Variants in CBLN2 observed in about 807,000 individuals in gnomAD.
The protein encoded by CBLN2 is cerebellin-2.
Under a neutral mutation model 15.0 loss-of-function variants are expected in CBLN2, and 7 were observed. The observed-to-expected ratio is 0.47, with a 90% confidence interval of 0.27 to 0.88. The LOEUF (loss-of-function observed/expected upper bound fraction) is 0.88, where lower values mean the gene tolerates loss of function less well. Among genes scored for constraint, CBLN2 ranks in the 40% least tolerant of loss-of-function variants. The pLI is 0.14. For missense variants in CBLN2, 242 were observed against 304.5 expected (o/e 0.79, Z 1.53); for synonymous variants, 149 against 135.2 (o/e 1.10, Z -0.71).
intron 1 of CBLN2, among the ~76,000 whole-genome samples, chr18:72,577,319 A>G (rs994445270): frequency 1.3e-5 from 2 of 152,098 alleles, no homozygotes; most frequent in Non-Finnish European, 2.9e-5. Flanking sequence ...TATTTTTTAA[A>G]AAGCACATTT....
intron 1 of CBLN2, among the ~76,000 whole-genome samples, chr18:72,571,622 G>T (rs1012191733): frequency 6.6e-6 from 1 of 152,150 alleles, no homozygotes; most frequent in African/African-American, 2.4e-5. Context: ...ATGTGAACAG[G>T]CCCCTTAACT....
chr18:72,542,502 C>A (rs531249533), intron 2 of CBLN2, among the ~76,000 whole-genome samples, 176 bp from the exon 3 acceptor site: 20 of 151,998 alleles, frequency 1.3e-4, no homozygotes, highest in African/African-American at 7.2e-5. Flanking sequence ...AACGCCCGGG[C>A]GCAGCTGGCA....
intron 1 of CBLN2, among the ~76,000 whole-genome samples, chr18:72,612,912 C>T (rs908445202): frequency 2.0e-5 from 3 of 152,180 alleles, no homozygotes; most frequent in Admixed American, 6.5e-5. Context: ...GTTCTGCAGG[C>T]CAGAAGTCCA....
chr18:72,570,994 C>A lies in CBLN2; in HGVS notation c.16-32222G>T, dbSNP rs12605831. ...GTGTCTGTATACCTTATATCTCTCT[C>A]TATATATTATATTTGTTTGGATGTT... On this transcript the variant is annotated intron_variant, in intron 1 of 2. Transcript: ENST00000581073. Among the ~76,000 whole-genome samples the A allele has an allele frequency of 0.039, 5,925 of 151,904 alleles. 659 individuals are homozygous for A. In the East Asian group the frequency reaches 0.47, roughly 12 times the overall value.
At chr18:72,631,152 A>G (rs1344833072) in intron 1 of CBLN2, 5 of 152,132 alleles carry the variant, frequency 3.3e-5, no homozygotes, top group Admixed American at 2.0e-4. Flanking sequence ...AGACTGCTCC[A>G]TTCTTTTTTT....
At chr18:72,617,321 TTGAA>T (rs1170418346) in intron 1 of CBLN2, among the ~76,000 whole-genome samples, 2 of 152,186 alleles carry the variant, frequency 1.3e-5, no homozygotes, top group African/African-American at 4.8e-5. Context: ...TGTTTACTGA[TTGAA>T]TGAATTACCA....
At chr18:72,600,032 G>A (rs534590540) in intron 1 of CBLN2, among the ~76,000 whole-genome samples, 105 of 152,260 alleles carry the variant, frequency 6.9e-4, no homozygotes, top group Admixed American at 1.8e-3. Context: ...CACCGCCTGT[G>A]GTTACAGCCT....
intron 1 of CBLN2, among the ~76,000 whole-genome samples, chr18:72,575,397 C>T (rs992211102): frequency 6.6e-6 from 1 of 152,012 alleles, no homozygotes; most frequent in Admixed American, 6.6e-5. Context: ...GAGCTAAAAC[C>T]ATCAAAATGA....
At chr18:72,585,981 C>T (rs1271527029) in intron 1 of CBLN2, among the ~76,000 whole-genome samples, 4 of 152,248 alleles carry the variant, frequency 2.6e-5, no homozygotes, top group African/African-American at 9.6e-5. Flanking sequence ...TGCCAGGCAG[C>T]AGGAGTTGCC....
chr18:72,597,909 C>T (rs140030376), intron 1 of CBLN2, among the ~76,000 whole-genome samples: 10 of 152,228 alleles, frequency 6.6e-5, no homozygotes, highest in African/African-American at 2.2e-4. Context: ...CAATGCATGC[C>T]GCCAGGCCTG....
Position 72,542,065 on chromosome 18 carries a change from C to T in CBLN2, c.96G>A (p.Leu32=), listed in dbSNP as rs777498376. 46 of 1,562,472 alleles carry T rather than the reference C, an allele frequency of 2.9e-5. No homozygotes were observed. The highest frequency in any genetic ancestry group is 3.6e-5 in the Non-Finnish European group (42 of 1,165,236). ...LREPGGCGSC[L]GVALALLLLL... ...GCAACAGCAGGGCCAGCGCCACCCC[C>T]AGGCAGGATCCGCAGCCGCCCGGCT... is the stretch of plus-strand genomic sequence containing the variant. Residue 32 remains leucine, a synonymous_variant, in exon 3 of 5, where the codon CTG becomes CTA. Transcript: ENST00000269503.
chr18:72,549,598 T>G (rs2144879861), intron 1 of CBLN2, among the ~76,000 whole-genome samples: 1 of 152,236 alleles, frequency 6.6e-6, no homozygotes, highest in Admixed American at 6.5e-5. Flanking sequence ...GTGGCTACTT[T>G]CTCAAGTTGA....
intron 1 of CBLN2, among the ~76,000 whole-genome samples, chr18:72,607,179 C>T (rs558272099): frequency 3.6e-4 from 55 of 152,294 alleles, no homozygotes; most frequent in African/African-American, 1.2e-3. Flanking sequence ...GATTCTCCCT[C>T]ACAGCCCTCA....
intron 1 of CBLN2, among the ~76,000 whole-genome samples, chr18:72,566,912 C>A (rs2069298886): frequency 6.6e-6 from 1 of 152,080 alleles, no homozygotes; most frequent in East Asian, 1.9e-4. Context: ...GCAGCTTCCA[C>A]CTTCTGGCTC....
chr18:72,599,178 A>G (rs941367523), intron 1 of CBLN2, among the ~76,000 whole-genome samples: 3 of 152,216 alleles, frequency 2.0e-5, no homozygotes, highest in Non-Finnish European at 4.4e-5. Flanking sequence ...AAAGCTATCA[A>G]TAAATTTTCT....
At position 72,541,918 on chromosome 18, in the gene CBLN2, G is replaced by A; in HGVS notation, c.243C>T (p.Ser81=). Residue 81 remains serine, a synonymous_variant, in exon 3 of 5, where the codon TCC becomes TCT. Coordinates refer to ENST00000269503, the MANE Select transcript of CBLN2 (RefSeq NM_182511.4). ...SPSADGAVTS[S]LGISVRSGSA... is the part of the protein sequence containing the mutation. ...TGCCGGAGCGCACGGAGATGCCTAG[G>A]GAGGAGGTGACGGCGCCGTCCGCCG... 3 of 1,608,480 alleles carry A rather than the reference G, an allele frequency of 1.9e-6. No individual in the cohort carries two copies. The highest frequency in any genetic ancestry group is 2.5e-6 in the Non-Finnish European group (3 of 1,179,472).
chr18:72,638,364 T>A (rs2069827661), exon 1 of CBLN2: 1 of 398,530 alleles, frequency 2.5e-6, no homozygotes, highest in East Asian at 3.6e-5. Context: ...AAAATGAAAA[T>A]ATGTCCCAGC....
chr18:72,537,976 G>A lies in CBLN2; in HGVS notation c.*200C>T, dbSNP rs2069078755. ...CCTTGTCATCTAAAACTAATTAGAGGCCAGGTTCCCGAGGAATTGTCAGTA... is the reference window on the plus strand; with the variant it reads ...CCTTGTCATCTAAAACTAATTAGAGACCAGGTTCCCGAGGAATTGTCAGTA... On this transcript the variant is annotated 3_prime_UTR_variant, in exon 5 of 5. Coordinates refer to ENST00000269503, the MANE Select transcript of CBLN2 (RefSeq NM_182511.4). 1.7e-6 allele frequency: 1 copy of A among 600,910 alleles called. No homozygotes were observed. Among genetic ancestry groups the A allele is most frequent in the African/African-American group, 1.9e-5 (1 of 53,858 alleles). 37.2% of individuals were successfully genotyped at this position (600,910 alleles called of 1,614,324 possible). A position where few individuals can be genotyped will look rare whatever the true frequency, so the allele number is the denominator to read the frequency against.
At chr18:72,572,032 A>G (rs1415972757) in intron 1 of CBLN2, among the ~76,000 whole-genome samples, 1 of 152,218 alleles carries the variant, frequency 6.6e-6, no homozygotes, top group Non-Finnish European at 1.5e-5. Flanking sequence ...TAATTTTAAC[A>G]TTGAGACTGT....
Sources: allele counts gnomAD v4.1 joint callset (sites outside exome capture counted in the v4.1 genomes callset), GRCh38; gene constraint gnomAD v4.1.1; transcripts MANE v1.5; gene names NCBI Gene and HGNC (gene_info 2026-07-23, HGNC 2026-07-21).